Variants in KCNIP4 observed in about 807,000 individuals in gnomAD.
KCNIP4 encodes the protein potassium voltage-gated channel interacting protein 4.
Under a neutral mutation model 34.0 loss-of-function variants are expected in KCNIP4, and 12 were observed. The ratio of observed to expected loss-of-function variants is 0.35; its 90% CI spans 0.23 to 0.57. The LOEUF (loss-of-function observed/expected upper bound fraction) is 0.57. Among genes scored for constraint, KCNIP4 ranks in the 20% least tolerant of loss-of-function variants. The pLI, the probability that KCNIP4 is intolerant of heterozygous loss-of-function variation, is 0.83. For synonymous variants in KCNIP4, 124 were observed against 102.2 expected, an observed-to-expected ratio of 1.21 and a Z score of -1.29; for missense variants, 238 against 311.7, an observed-to-expected ratio of 0.76 and a Z score of 1.78.
chr4:21,499,164 C>G (rs781173815), intron 1 of KCNIP4, among the ~76,000 whole-genome samples: 2 of 152,066 alleles, frequency 1.3e-5, no homozygotes, highest in African/African-American at 4.8e-5. Context: ...AACCCCATCT[C>G]TACTAAAAAT....
intron 1 of KCNIP4, among the ~76,000 whole-genome samples, chr4:21,554,980 A>G (rs11725627): frequency 0.12 from 18,671 of 152,208 alleles, 1,253 homozygotes; most frequent in African/African-American, 0.16. Context: ...TTAAATAAAC[A>G]TAGACTTTTT....
At chr4:20,974,708 C>T (rs370433856) in intron 1 of KCNIP4, among the ~76,000 whole-genome samples, 50 of 152,212 alleles carry the variant, frequency 3.3e-4, no homozygotes, top group East Asian at 1.2e-3. Context: ...TCTACATAGA[C>T]GTGAGGCCCA....
At chr4:21,843,209 A>G (rs2109323348) in intron 1 of KCNIP4, 1 of 152,150 alleles carries the variant, frequency 6.6e-6, no homozygotes, top group South Asian at 2.1e-4. Context: ...AAAAAATAAA[A>G]CTCAGCTACT....
Position 21,948,566 on chromosome 4 carries a change from C to A in KCNIP4, c.61+5G>T, listed in dbSNP as rs1232111330. On this transcript the variant is annotated splice_donor_5th_base_variant and intron_variant, in intron 1 of 8. Transcript: ENST00000382152. Reference sequence around the variant, plus strand: ...GCGCCCGCTCGCAAGCTTATTGCATCCTACCGCCTGTAGAGCTGGCCTCCT... The same window carrying A: ...GCGCCCGCTCGCAAGCTTATTGCATACTACCGCCTGTAGAGCTGGCCTCCT... 3.1e-6 allele frequency: 5 copies of A among 1,613,008 alleles called. No individual in the cohort carries two copies. Among genetic ancestry groups the A allele is most frequent in the Non-Finnish European group, 4.2e-6 (5 of 1,179,602 alleles).
Position 21,803,931 on chromosome 4 carries a change from G to A in KCNIP4, c.61+144640C>T, listed in dbSNP as rs957537050. 5.9e-5 allele frequency among the ~76,000 whole-genome samples: 9 copies of A among 152,160 alleles called. No individual in the cohort carries two copies. In the East Asian group the frequency reaches 9.6e-4, roughly 16 times the overall value. On this transcript the variant is annotated intron_variant, in intron 1 of 8. Coordinates refer to ENST00000382152, the MANE Select transcript of KCNIP4 (RefSeq NM_025221.6). Reference sequence around the variant, plus strand: ...TACTTGATCTCCAGGCAAAGATCACGGGGAATAGATCAGCAGTCAAACAAA... The same window carrying A: ...TACTTGATCTCCAGGCAAAGATCACAGGGAATAGATCAGCAGTCAAACAAA...
chr4:21,555,939 A>G (rs1463428840), intron 1 of KCNIP4, among the ~76,000 whole-genome samples: 1 of 152,076 alleles, frequency 6.6e-6, no homozygotes, highest in African/African-American at 2.4e-5. Flanking sequence ...GTCTGTAGAC[A>G]CAGCTGTGCG....
chr4:21,505,771 C>T (rs1397264010), intron 1 of KCNIP4, among the ~76,000 whole-genome samples: 1 of 152,130 alleles, frequency 6.6e-6, no homozygotes, highest in African/African-American at 2.4e-5. Flanking sequence ...AAAGTGACTA[C>T]TTTTCTCACT....
intron 1 of KCNIP4, among the ~76,000 whole-genome samples, chr4:21,015,664 A>ATAATATAATATAGTATATTGTAT (rs1426677338): frequency 1.3e-5 from 1 of 78,006 alleles, no homozygotes; most frequent in African/African-American, 7.0e-5. Flanking sequence ...TTGTATTAAT[A>ATAATATAATATAGTATATTGTAT]TAATATAATA....
intron 1 of KCNIP4, among the ~76,000 whole-genome samples, chr4:21,496,833 A>G (rs1023369987): frequency 6.6e-6 from 1 of 152,172 alleles, no homozygotes; most frequent in African/African-American, 2.4e-5. Flanking sequence ...CATTCTCCTT[A>G]TAAGAATCTA....
intron 1 of KCNIP4, among the ~76,000 whole-genome samples, chr4:21,909,120 A>G (rs1052444057): frequency 1.3e-5 from 2 of 152,198 alleles, no homozygotes; most frequent in East Asian, 1.9e-4. Flanking sequence ...AAAGAACCAT[A>G]TCAATAGTTT....
Position 21,243,211 on chromosome 4 carries a change from T to C in KCNIP4, c.62-360502A>G, listed in dbSNP as rs374813117. On this transcript the variant is annotated intron_variant, in intron 1 of 8. Coordinates refer to ENST00000382152, the MANE Select transcript of KCNIP4 (RefSeq NM_025221.6). ...AACTTCTCTACAATAGAGGCCTCTC[T>C]TTATGATACATATAAGAAATTTTCA... Among the ~76,000 whole-genome samples the C allele has an allele frequency of 1.3e-4, 20 of 152,272 alleles. No individual in the cohort carries two copies. In the East Asian group the frequency reaches 3.5e-3, roughly 26 times the overall value.
chr4:20,864,327 C>G (rs1243230064), intron 2 of KCNIP4, among the ~76,000 whole-genome samples: 1 of 150,626 alleles, frequency 6.6e-6, no homozygotes, highest in Non-Finnish European at 1.5e-5. Context: ...CGTTTATATG[C>G]ATATGTATGT....
intron 1 of KCNIP4, among the ~76,000 whole-genome samples, chr4:21,766,507 C>G (rs1405140786): frequency 6.6e-6 from 1 of 152,100 alleles, no homozygotes; most frequent in African/African-American, 2.4e-5. Flanking sequence ...CCAGGCTTCC[C>G]TCTGCTGCTA....
intron 5 of KCNIP4, among the ~76,000 whole-genome samples, chr4:20,746,272 A>G (rs748706978): frequency 3.9e-5 from 6 of 152,162 alleles, no homozygotes; most frequent in Non-Finnish European, 7.3e-5. Flanking sequence ...TATCATGAGA[A>G]CAGTAAACCA....
intron 1 of KCNIP4, among the ~76,000 whole-genome samples, chr4:20,903,183 A>C (rs1462052427): frequency 6.6e-6 from 1 of 152,164 alleles, no homozygotes; most frequent in Non-Finnish European, 1.5e-5. Context: ...AACACTGCAA[A>C]CTATCAAAGG....
At position 21,753,199 on chromosome 4, in the gene KCNIP4, C is replaced by T. The variant is rs536445438; in HGVS notation, c.61+195372G>A. ...TGTAGTGAGGCTCCTCATGCATAAT[C>T]TGCAAAGGTTTTTCACACTATCTGA... On this transcript the variant is annotated intron_variant, in intron 1 of 8. Coordinates refer to ENST00000382152, the MANE Select transcript of KCNIP4 (RefSeq NM_025221.6). 4.1e-4 allele frequency among the ~76,000 whole-genome samples: 63 copies of T among 152,260 alleles called. No homozygotes were observed. In the South Asian group the frequency reaches 0.013, roughly 32 times the overall value.
chr4:21,295,251 T>C (rs1763769682), intron 1 of KCNIP4, among the ~76,000 whole-genome samples: 1 of 152,086 alleles, frequency 6.6e-6, no homozygotes, highest in Non-Finnish European at 1.5e-5. Flanking sequence ...AGTTGTTTCA[T>C]ATAAAGGAAG....
chr4:21,278,886 G>A (rs986424223), intron 1 of KCNIP4, among the ~76,000 whole-genome samples: 2 of 152,182 alleles, frequency 1.3e-5, no homozygotes, highest in Admixed American at 6.5e-5. Flanking sequence ...AAATGCAATC[G>A]TATGCTATCT....
intron 1 of KCNIP4, among the ~76,000 whole-genome samples, chr4:21,790,065 GA>G (rs1249040333): frequency 1.3e-5 from 2 of 152,188 alleles, no homozygotes; most frequent in African/African-American, 2.4e-5. Context: ...TCATTTAACG[GA>G]AAGAGCTCCA....
Sources: gnomAD v4.1 joint callset for allele counts (sites outside exome capture counted in the v4.1 genomes callset) on GRCh38, gnomAD v4.1.1 for gene constraint, MANE v1.5 for transcripts, NCBI Gene and HGNC (gene_info 2026-07-23, HGNC 2026-07-21) for gene names.